DHRS12: variants seen among roughly 807,000 people sequenced by gnomAD.
The protein encoded by DHRS12 is dehydrogenase/reductase 12, also known as dehydrogenase/reductase SDR family member 12.
DHRS12 carries 29 observed loss-of-function variants against 32.1 expected under a neutral mutation model. The ratio of observed to expected loss-of-function variants is 0.90; its 90% CI spans 0.67 to 1.23. The LOEUF is 1.23. Ranked by LOEUF, DHRS12 falls within the 50% of genes most tolerant of loss-of-function variation. The pLI, the probability that DHRS12 is intolerant of heterozygous loss-of-function variation, is 0.00. For missense variants in DHRS12, 330 were observed against 337.2 expected (o/e 0.98, Z 0.17); for synonymous variants, 150 against 135.9 (o/e 1.10, Z -0.72).
intron 6 of DHRS12, chr13:51,773,032 C>T: frequency 2.0e-6 from 2 of 985,382 alleles, no homozygotes; most frequent in Non-Finnish European, 2.4e-6. Context: ...AATGTGGGCG[C>T]CCTAGCGGGT....
At chr13:51,797,731 C>T in intron 2 of DHRS12, 6 of 1,295,534 alleles carry the variant, frequency 4.6e-6, no homozygotes, top group Non-Finnish European at 6.4e-6. Flanking sequence ...AACACAGGCC[C>T]TCTTCAACCC....
chr13:51,756,273 C>G, the DHRS12 span: 1 of 1,560,392 alleles, frequency 6.4e-7, no homozygotes, highest in East Asian at 2.3e-5. Flanking sequence ...GGGTGAGATG[C>G]GGGGGCCTCA....
chr13:51,757,672 T>C, the DHRS12 span, among the ~76,000 whole-genome samples: 7 of 152,022 alleles, frequency 4.6e-5, no homozygotes, highest in African/African-American at 1.7e-4. Context: ...AATAATGATG[T>C]TTGTTTTTTA....
chr13:51,756,234 T>A, the DHRS12 span: 1 of 1,499,578 alleles, frequency 6.7e-7, no homozygotes, highest in Non-Finnish European at 8.9e-7. Context: ...CTCACCTGGA[T>A]GCAGTTGATT....
intron 4 of DHRS12, chr13:51,789,652 G>C (rs1374916817): frequency 1.0e-6 from 1 of 985,264 alleles, no homozygotes; most frequent in Non-Finnish European, 1.2e-6. Context: ...TTGCCCACTG[G>C]TTGCACCTTC....
At chr13:51,759,377 T>G in the DHRS12 span, among the ~76,000 whole-genome samples, 1 of 152,248 alleles carries the variant, frequency 6.6e-6, no homozygotes, top group Non-Finnish European at 1.5e-5. Context: ...ATTGTCGCTT[T>G]CATGTTGGCT....
chr13:51,755,648 A>G, the DHRS12 span, among the ~76,000 whole-genome samples: 2 of 152,166 alleles, frequency 1.3e-5, no homozygotes, highest in Admixed American at 6.5e-5. Flanking sequence ...CAGTTTCTGT[A>G]GTGGTTGGTT....
intron 4 of DHRS12, among the ~76,000 whole-genome samples, chr13:51,786,572 G>A (rs1053705820): frequency 4.6e-5 from 7 of 152,156 alleles, no homozygotes; most frequent in African/African-American, 1.7e-4. Context: ...TTGTCCCTCA[G>A]TAGGATATGA....
At chr13:51,802,350 G>C (rs1923875) in intron 1 of DHRS12, among the ~76,000 whole-genome samples, 61,170 of 152,144 alleles carry the variant, frequency 0.4, 15,196 homozygotes, top group Non-Finnish European at 0.55. Flanking sequence ...TACTGACTCA[G>C]AAGTGATTGC....
At chr13:51,791,591 A>G (rs1418047956) in intron 2 of DHRS12, among the ~76,000 whole-genome samples, 1 of 152,178 alleles carries the variant, frequency 6.6e-6, no homozygotes, top group Non-Finnish European at 1.5e-5. Context: ...TGGTAAAAAC[A>G]GTTTTTACTT....
chr13:51,781,895 G>A (rs1954728467), intron 4 of DHRS12, among the ~76,000 whole-genome samples: 1 of 152,180 alleles, frequency 6.6e-6, no homozygotes, highest in South Asian at 2.1e-4. Context: ...CTCTGTTCGG[G>A]AGGTGGGTAC....
intron 4 of DHRS12, among the ~76,000 whole-genome samples, chr13:51,779,572 G>A (rs1388585808): frequency 6.6e-6 from 1 of 152,156 alleles, no homozygotes; most frequent in Non-Finnish European, 1.5e-5. Flanking sequence ...CCAGATGCAA[G>A]GAAAAGCAGA....
the DHRS12 span, chr13:51,759,849 G>A: frequency 6.9e-7 from 1 of 1,457,866 alleles, no homozygotes; most frequent in Non-Finnish European, 9.6e-7. Flanking sequence ...GAGTGGTAAA[G>A]CAGACATGTG....
chr13:51,765,838 C>T (rs1953729567), downstream of DHRS12: 1 of 152,146 alleles, frequency 6.6e-6, no homozygotes, highest in Non-Finnish European at 1.5e-5. Flanking sequence ...GGTACCATCT[C>T]ATTAAAAATA....
chr13:51,773,008 G>A, intron 6 of DHRS12: 1 of 985,466 alleles, frequency 1.0e-6, no homozygotes, highest in Middle Eastern at 5.2e-4. Context: ...GAGGGTGCTG[G>A]CAGCCTTACA....
chr13:51,779,071 C>A (rs935370444), intron 4 of DHRS12, among the ~76,000 whole-genome samples: 1 of 152,112 alleles, frequency 6.6e-6, no homozygotes, highest in Middle Eastern at 3.2e-3. Flanking sequence ...TCTTGAGTCA[C>A]GTAGCCATGC....
chr13:51,783,915 T>C (rs2139159693), intron 4 of DHRS12, among the ~76,000 whole-genome samples: 1 of 152,342 alleles, frequency 6.6e-6, no homozygotes, highest in Non-Finnish European at 1.5e-5. Flanking sequence ...GACTCCTGTT[T>C]GGGGCGATTA....
At chr13:51,756,750 T>C in the DHRS12 span, 1 of 640,022 alleles carries the variant, frequency 1.6e-6, no homozygotes, top group East Asian at 1.4e-4. Flanking sequence ...TGTCTGCTCA[T>C]TTACTTGAGA....
chr13:51,774,054 G>A lies in DHRS12; in HGVS notation c.364-20C>T. ...GGTTATCTGCAATAAAGGTAACAGA[G>A]ATTTACAAACTAAAGCCTGTGACCC... On this transcript the variant is annotated intron_variant, in intron 5 of 8. Coordinates refer to ENST00000444610, the MANE Select transcript of DHRS12 (RefSeq NM_001377533.1). 6.2e-7 allele frequency: 1 copy of A among 1,609,322 alleles called. No homozygotes were observed. The highest frequency in any genetic ancestry group is 8.5e-7 in the Non-Finnish European group (1 of 1,175,938).
Sources: allele counts gnomAD v4.1 joint callset (sites outside exome capture counted in the v4.1 genomes callset), GRCh38; gene constraint gnomAD v4.1.1; transcripts MANE v1.5; gene names NCBI Gene and HGNC (gene_info 2026-07-23, HGNC 2026-07-21).